Variants in FLT4 observed in about 807,000 individuals in gnomAD.
FLT4 encodes the protein fms related receptor tyrosine kinase 4.
In FLT4, 30 loss-of-function variants were observed where a neutral mutation model predicts 163.2. The ratio of observed to expected loss-of-function variants is 0.18; its 90% CI spans 0.14 to 0.25. The LOEUF is 0.25. Among genes scored for constraint, FLT4 ranks in the 10% least tolerant of loss-of-function variants. The pLI, the probability that FLT4 is intolerant of heterozygous loss-of-function variation, is 1.00. For synonymous variants in FLT4, 884 were observed against 789.5 expected (o/e 1.12, Z -2.01); for missense variants, 1,510 against 1,863.8 (o/e 0.81, Z 3.50).
intron 12 of FLT4, among the ~76,000 whole-genome samples, chr5:180,622,432 G>A (rs2242211): frequency 0.029 from 4,354 of 152,228 alleles, 198 homozygotes; most frequent in East Asian, 0.24. Context: ...CGAGTCACAA[G>A]GTCTCAGGGC....
At chr5:180,606,559 C>T (rs181373014) in intron 29 of FLT4, among the ~76,000 whole-genome samples, 11 of 152,338 alleles carry the variant, frequency 7.2e-5, no homozygotes, top group Admixed American at 5.2e-4. Flanking sequence ...CTGGGCTGAG[C>T]GGCCTTCTTT....
intron 8 of FLT4, among the ~76,000 whole-genome samples, chr5:180,628,190 T>C (rs2127831880): frequency 6.6e-6 from 1 of 152,278 alleles, no homozygotes; most frequent in Non-Finnish European, 1.5e-5. Context: ...GTCTATGCAA[T>C]GGGGACTCAA....
chr5:180,617,067 G>A, intron 21 of FLT4, 73 bp from the exon 22 acceptor site: 1 of 1,104,402 alleles, frequency 9.1e-7, no homozygotes, highest in Non-Finnish European at 1.4e-6. Context: ...CCAGGGAACA[G>A]CTAACAAGCA....
chr5:180,643,325 G>A (rs1218407462), intron 1 of FLT4, among the ~76,000 whole-genome samples: 1 of 152,222 alleles, frequency 6.6e-6, no homozygotes, highest in Non-Finnish European at 1.5e-5. Flanking sequence ...CTGTGGGTGG[G>A]GTGGCTGAGA....
Position 180,630,536 on chromosome 5 carries a change from G to A in FLT4, c.400+19C>T, listed in dbSNP as rs2127838337. 1 of 1,612,118 alleles carries A rather than the reference G, an allele frequency of 6.2e-7. No homozygotes were observed. The highest frequency in any genetic ancestry group is 8.5e-7 in the Non-Finnish European group (1 of 1,179,758). On this transcript the variant is annotated intron_variant, in intron 3 of 29. Coordinates refer to ENST00000261937, the MANE Select transcript of FLT4 (RefSeq NM_182925.5). This position sits in a 1 kb window ranked among gnomAD's most constrained non-coding sequence, Gnocchi z 6.3. ...CTGCCCGGGACCCTGCTCCAGCCTGGCCCGCCTCCAAGTCTCACCTCTCAC... is the reference window on the plus strand; with the variant it reads ...CTGCCCGGGACCCTGCTCCAGCCTGACCCGCCTCCAAGTCTCACCTCTCAC...
chr5:180,629,556 GGGTGGAACACTT>G, intron 6 of FLT4, 128 bp downstream of exon 6: 1 of 1,457,958 alleles, frequency 6.9e-7, no homozygotes, highest in Non-Finnish European at 9.4e-7. Context: ...AGTTTTCTTT[GGGTGGAACACTT>G]GCCACTCAGA....
chr5:180,642,200 CTG>C (rs1273734497), intron 1 of FLT4, among the ~76,000 whole-genome samples: 1 of 145,706 alleles, frequency 6.9e-6, no homozygotes, highest in Non-Finnish European at 1.5e-5. Context: ...GAGTGAGACT[CTG>C]TGTGAAAAAA....
In FLT4 at chr5:180,620,357, T is replaced by C; in HGVS notation, c.2407-49A>G. The C allele has an allele frequency of 6.3e-7, 1 of 1,599,700 alleles. No individual in the cohort carries two copies. On this transcript the variant is annotated intron_variant, in intron 16 of 29. Coordinates refer to ENST00000261937, the MANE Select transcript of FLT4 (RefSeq NM_182925.5). This position sits in a 1 kb window ranked among gnomAD's most constrained non-coding sequence, Gnocchi z 4.4. ...GTGGGGCAGCTCACTGATTTGGCCA[T>C]ACCACTGTGGCTTGGGCAGAACTTT...
chr5:180,625,618 G>A (rs1011507461), intron 10 of FLT4, among the ~76,000 whole-genome samples: 4 of 152,260 alleles, frequency 2.6e-5, no homozygotes, highest in African/African-American at 7.2e-5. Context: ...GGTGGGCAGG[G>A]GCCAGACCCA....
intron 1 of FLT4, among the ~76,000 whole-genome samples, chr5:180,648,565 T>G (rs150613566): frequency 9.2e-5 from 14 of 152,260 alleles, no homozygotes; most frequent in African/African-American, 3.1e-4. Context: ...CTTACACCCT[T>G]TGATTTCCAG....
At chr5:180,638,038 G>A (rs1466049882) in intron 1 of FLT4, among the ~76,000 whole-genome samples, 2 of 152,060 alleles carry the variant, frequency 1.3e-5, no homozygotes, top group Admixed American at 6.6e-5. Flanking sequence ...GACCTAGTGG[G>A]CACACAGGAT....
chr5:180,621,589 C>A lies in FLT4; in HGVS notation c.1973G>T (p.Arg658Leu), dbSNP rs540963025. The A allele has an allele frequency of 6.2e-7, 1 of 1,610,742 alleles. No individual in the cohort carries two copies. The highest frequency in any genetic ancestry group is 1.7e-5 in the Admixed American group (1 of 59,922). Residue 658 changes from arginine (R) to leucine (L), a missense_variant, in exon 13 of 30, where the codon CGG becomes CTG. By Grantham distance (102) the Arg-to-Leu change is moderately radical. Around this residue, in one of 5 missense-constraint regions of FLT4, gnomAD observed 878 missense variants for 1,016.7 expected, o/e 0.86. Coordinates refer to ENST00000261937, the MANE Select transcript of FLT4 (RefSeq NM_182925.5). Reference protein sequence around the residue: ...EGHYVCEVQDRRSHDKHCHKK... With the variant: ...EGHYVCEVQDLRSHDKHCHKK... ...GTGGCAGTGCTTGTCATGGCTGCGC[C>A]GGTCTTGCACTTCGCACACATAGTG...
At chr5:180,618,615 A>C (rs1268646033) in intron 21 of FLT4, among the ~76,000 whole-genome samples, 155 bp downstream of exon 21, 3 of 152,214 alleles carry the variant, frequency 2.0e-5, no homozygotes, top group Admixed American at 6.5e-5. Context: ...ATCTGTGTGA[A>C]AATTGTCCCC....
chr5:180,621,685 T>A lies in FLT4; in HGVS notation c.1877A>T (p.Glu626Val). 6.2e-7 allele frequency: 1 copy of A among 1,611,220 alleles called. No homozygotes were observed. Among genetic ancestry groups the A allele is most frequent in the Non-Finnish European group, 8.5e-7 (1 of 1,178,978 alleles). ...GGCGTGGCGCGCCCCAGGTGCCACC[T>A]CCTCCAGGCTGGCGGCCAGAGGGGT... ...FATPLAASLE[E>V]VAPGARHATL... The change falls in exon 13 of 30, where the codon GAG (glutamate) becomes GTG (valine). Residue 626 changes from glutamate to valine, a missense_variant. Glu to Val is a moderately radical substitution (Grantham distance 121). Around this residue, in one of 5 missense-constraint regions of FLT4, gnomAD observed 878 missense variants for 1,016.7 expected, o/e 0.86. Transcript: ENST00000261937.
Position 180,611,497 on chromosome 5 carries a change from G to C in FLT4, c.3538-18C>G. On this transcript the variant is annotated intron_variant, in intron 26 of 29. Transcript: ENST00000261937. ...TCTTCCTCCTGGCGGGAACAGGAGA[G>C]GCAGCCAGGCCAGAAACCACCAGCC... The C allele has an allele frequency of 6.2e-7, 1 of 1,612,332 alleles. No individual in the cohort carries two copies. The highest frequency in any genetic ancestry group is 8.5e-7 in the Non-Finnish European group (1 of 1,179,608).
rs150569981 is a variant in FLT4 at position 180,606,377 on chromosome 5, C to T, written c.3893+2591G>A. ...GCTCTCCTCGCAGCCCCATCTCCTC[C>T]GTCACCCCTGGGTCTGTGTTGCCAC... is the stretch of plus-strand genomic sequence containing the variant. On this transcript the variant is annotated intron_variant, in intron 29 of 29. Transcript: ENST00000261937. Among the ~76,000 whole-genome samples the T allele has an allele frequency of 5.6e-3, 857 of 152,270 alleles. 15 individuals are homozygous for T. Among genetic ancestry groups the T allele is most frequent in the African/African-American group, 0.02 (822 of 41,536 alleles).
intron 1 of FLT4, among the ~76,000 whole-genome samples, chr5:180,646,057 G>A (rs757199712): frequency 6.6e-6 from 1 of 152,030 alleles, no homozygotes; most frequent in Non-Finnish European, 1.5e-5. Flanking sequence ...CAGCTGATTC[G>A]CTTAATTTCC....
chr5:180,611,789 G>T, intron 26 of FLT4: 1 of 474,686 alleles, frequency 2.1e-6, no homozygotes, highest in Non-Finnish European at 3.9e-6. Flanking sequence ...AGGGGTCAAG[G>T]TAGCAGAATG....
At chr5:180,613,219 C>T (rs746201523) in intron 24 of FLT4, 109 bp from the exon 25 acceptor site, 4 of 735,258 alleles carry the variant, frequency 5.4e-6, no homozygotes, top group Non-Finnish European at 6.8e-6. Flanking sequence ...CCGTCCTGTC[C>T]CTTTCCCCAT....
Sources: allele counts gnomAD v4.1 joint callset (sites outside exome capture counted in the v4.1 genomes callset), GRCh38; gene constraint gnomAD v4.1.1; regional missense constraint gnomAD v4.1.1; non-coding constraint Gnocchi (gnomAD v3.1); transcripts MANE v1.5; gene names NCBI Gene and HGNC (gene_info 2026-07-23, HGNC 2026-07-21).